PPP1R10: variants seen among roughly 807,000 people sequenced by gnomAD.
PPP1R10 encodes the protein serine/threonine-protein phosphatase 1 regulatory subunit 10.
Under a neutral mutation model 99.0 loss-of-function variants are expected in PPP1R10, and 15 were observed. The ratio of observed to expected loss-of-function variants is 0.15; its 90% CI spans 0.10 to 0.23. The LOEUF (loss-of-function observed/expected upper bound fraction) is 0.23, where lower values mean the gene tolerates loss of function less well. Among genes scored for constraint, PPP1R10 ranks in the 10% least tolerant of loss-of-function variants. The pLI, the probability that PPP1R10 is intolerant of heterozygous loss-of-function variation, is 1.00. For synonymous variants in PPP1R10, 430 were observed against 449.5 expected (o/e 0.96, Z 0.55); for missense variants, 947 against 1,259.4 (o/e 0.75, Z 3.75).
chr6:30,605,511 A>G (rs565713939), intron 10 of PPP1R10, among the ~76,000 whole-genome samples: 2 of 152,242 alleles, frequency 1.3e-5, no homozygotes, highest in African/African-American at 4.8e-5. Context: ...AATGGAGGGA[A>G]ATAATAAAAG....
Position 30,609,838 on chromosome 6 carries a change from C to G in PPP1R10, c.107G>C (p.Ser36Thr). ...AATACAAAAAGGGGTAAAGACTCAC[C>G]TGAAGATCTTGGAAATCCCATCCAC... ...KSVDGISKIF[S>T]LMKEARKMVS... The change falls in exon 3 of 20, where the codon AGT (serine) becomes ACT (threonine). Residue 36 changes from serine to threonine, a missense_variant and splice_region_variant. Around this residue, in one of 10 missense-constraint regions of PPP1R10, gnomAD observed 82 missense variants for 117.3 expected, o/e 0.70. Transcript: ENST00000376511. This position sits in a 1 kb window ranked among gnomAD's most constrained non-coding sequence, Gnocchi z 4.5. 1.9e-6 allele frequency: 3 copies of G among 1,611,662 alleles called. No individual in the cohort carries two copies. Among genetic ancestry groups the G allele is most frequent in the South Asian group, 1.1e-5 (1 of 91,012 alleles).
Position 30,605,973 on chromosome 6 carries a change from G to C in PPP1R10, c.803C>G (p.Thr268Arg). 6.2e-7 allele frequency: 1 copy of C among 1,614,028 alleles called. No homozygotes were observed. The highest frequency in any genetic ancestry group is 8.5e-7 in the Non-Finnish European group (1 of 1,179,990). ...PAEKKYKPLN[T>R]TPNATKEIKV... is the part of the protein sequence containing the mutation. ...GATCTCTTTGGTGGCATTAGGTGTT[G>C]TGTTGAGTGGCTTGTATTTCTTCTC... is the stretch of plus-strand genomic sequence containing the variant. Residue 268 changes from threonine to arginine, a missense_variant, in exon 10 of 20, where the codon ACA becomes AGA. Physicochemically the swap from Thr to Arg is moderately conservative, Grantham distance 71. This residue lies in a region of PPP1R10 where 39 missense variants were observed against 34.4 expected (regional missense o/e 1.14). Transcript: ENST00000376511.
chr6:30,612,839 T>C (rs1804693142), intron 2 of PPP1R10, among the ~76,000 whole-genome samples: 1 of 152,122 alleles, frequency 6.6e-6, no homozygotes. Context: ...GCAAACTGAG[T>C]TGATGAAGGC....
At chr6:30,607,282 G>A (rs1457584405) in intron 6 of PPP1R10, among the ~76,000 whole-genome samples, 2 of 152,136 alleles carry the variant, frequency 1.3e-5, no homozygotes, top group Non-Finnish European at 2.9e-5. Flanking sequence ...AAAAAGCTAC[G>A]TTAGTTGCTT....
rs767319723 is a variant in PPP1R10 at position 30,609,179 on chromosome 6, T to A, written c.108-16A>T. ...CTTCATCAAACTGCAGAAGATGAGT[T>A]AGGGTTAGAAATGAAGCAGCCAGTA... is the stretch of plus-strand genomic sequence containing the variant. On this transcript the variant is annotated splice_polypyrimidine_tract_variant and intron_variant, in intron 3 of 19. Transcript: ENST00000376511. The surrounding 1 kb of genome is among the most constrained non-coding windows in gnomAD (Gnocchi z 4.5). 6.2e-7 allele frequency: 1 copy of A among 1,612,434 alleles called. No homozygotes were observed.
chr6:30,612,802 T>C (rs563400286), intron 2 of PPP1R10, among the ~76,000 whole-genome samples: 3 of 152,230 alleles, frequency 2.0e-5, no homozygotes, highest in South Asian at 4.2e-4. Context: ...AGTCCAACAT[T>C]TCGGGCACAG....
rs2127446465 is a variant in PPP1R10 at position 30,609,744 on chromosome 6, T to C, written c.107+94A>G. On this transcript the variant is annotated intron_variant, in intron 3 of 19. Transcript: ENST00000376511. The surrounding 1 kb of genome is among the most constrained non-coding windows in gnomAD (Gnocchi z 4.5). Reference sequence around the variant, plus strand: ...TGCACTGACTATCTTTCCCTTTCCTTTCCAGGATCATTCCAGTGTGCCTCA... The same window carrying C: ...TGCACTGACTATCTTTCCCTTTCCTCTCCAGGATCATTCCAGTGTGCCTCA... 8.9e-7 allele frequency: 1 copy of C among 1,125,836 alleles called. No individual in the cohort carries two copies. The highest frequency in any genetic ancestry group is 1.3e-5 in the South Asian group (1 of 79,504). 69.7% of individuals were successfully genotyped at this position (1,125,836 alleles called of 1,614,324 possible).
intron 4 of PPP1R10, 50 bp from the exon 5 acceptor site, chr6:30,608,964 C>T (rs1561843798): frequency 1.2e-6 from 2 of 1,612,982 alleles, no homozygotes; most frequent in Non-Finnish European, 8.5e-7. Flanking sequence ...TAGGTTTTGA[C>T]AGTACCACAT....
Position 30,606,005 on chromosome 6 carries a change from G to A in PPP1R10, c.771C>T (p.Pro257=), listed in dbSNP as rs201120674. The change falls in exon 10 of 20, where the codon CCC becomes CCT. Residue 257 remains proline (P), a synonymous_variant. Coordinates refer to ENST00000376511, the MANE Select transcript of PPP1R10 (RefSeq NM_002714.4). The surrounding 1 kb of genome is among the most constrained non-coding windows in gnomAD (Gnocchi z 6.3). ...SNVAAPGDAT[P]PAEKKYKPLN... is the part of the protein sequence containing the mutation. ...GTGGCTTGTATTTCTTCTCTGCAGG[G>A]GGAGTGGCATCTCCTGGAGCAGCTA... 16 of 1,614,054 alleles carry A rather than the reference G, an allele frequency of 9.9e-6. No homozygotes were observed. In the East Asian group the frequency reaches 3.6e-4, roughly 36 times the overall value.
chr6:30,606,450 G>T lies in PPP1R10; in HGVS notation c.634+18C>A, dbSNP rs752046204. Reference sequence around the variant, plus strand: ...GCACATGCCCATGAACCCTCCAGAGGCCAGCCGCCAGTCTTACCAGTGGAA... The same window carrying T: ...GCACATGCCCATGAACCCTCCAGAGTCCAGCCGCCAGTCTTACCAGTGGAA... On this transcript the variant is annotated intron_variant, in intron 8 of 19. Transcript: ENST00000376511. The surrounding 1 kb of genome is among the most constrained non-coding windows in gnomAD (Gnocchi z 6.3). 1.2e-6 allele frequency: 2 copies of T among 1,611,950 alleles called. No homozygotes were observed. The highest frequency in any genetic ancestry group is 2.2e-5 in the South Asian group (2 of 90,982).
chr6:30,603,924 C>T (rs1222785163), intron 14 of PPP1R10, 81 bp from the exon 15 acceptor site: 3 of 1,522,462 alleles, frequency 2.0e-6, no homozygotes, highest in African/African-American at 1.4e-5. Context: ...TTTCTAACCT[C>T]CACCCCGTAA....
At chr6:30,613,156 G>A (rs1045006732) in intron 2 of PPP1R10, among the ~76,000 whole-genome samples, 2 of 152,198 alleles carry the variant, frequency 1.3e-5, no homozygotes, top group African/African-American at 4.8e-5. Context: ...ATAAACGTCT[G>A]TGACACCAAC....
chr6:30,605,775 G>T (rs1000949312), intron 10 of PPP1R10, 148 bp downstream of exon 10: 1 of 745,402 alleles, frequency 1.3e-6, no homozygotes, highest in Non-Finnish European at 2.2e-6. Flanking sequence ...CAGGAGAATG[G>T]CGTGAACCCG....
In PPP1R10 at chr6:30,609,394, C is replaced by T. The variant is rs569100644; in HGVS notation, c.108-231G>A. ...CTGGGGAGGAGAGCATCGCTGCCTC[C>T]GTAACACACAGGATGAATTCCATTC... is the stretch of plus-strand genomic sequence containing the variant. On this transcript the variant is annotated intron_variant, in intron 3 of 19. Coordinates refer to ENST00000376511, the MANE Select transcript of PPP1R10 (RefSeq NM_002714.4). This position sits in a 1 kb window ranked among gnomAD's most constrained non-coding sequence, Gnocchi z 4.5. Among the ~76,000 whole-genome samples the T allele has an allele frequency of 6.0e-4, 92 of 152,222 alleles. No individual in the cohort carries two copies. Among genetic ancestry groups the T allele is most frequent in the Non-Finnish European group, 1.1e-3 (75 of 68,000 alleles).
In PPP1R10 at chr6:30,601,439, C is replaced by T; in HGVS notation, c.*110G>A. On this transcript the variant is annotated 3_prime_UTR_variant, in exon 20 of 20. Transcript: ENST00000376511. Reference sequence around the variant, plus strand: ...CAAGTGGGAACTGAGGGGGCCGGCTCCTCATCAGCTGGGGAAAAGGGAAAA... The same window carrying T: ...CAAGTGGGAACTGAGGGGGCCGGCTTCTCATCAGCTGGGGAAAAGGGAAAA... 2.3e-6 allele frequency: 2 copies of T among 885,504 alleles called. No individual in the cohort carries two copies. Among genetic ancestry groups the T allele is most frequent in the Non-Finnish European group, 3.5e-6 (2 of 567,480 alleles). The allele number at this position is 885,504 out of a possible 1,614,324, so 54.9% of individuals were successfully genotyped here.
intron 2 of PPP1R10, among the ~76,000 whole-genome samples, chr6:30,611,102 A>G (rs1804507977): frequency 6.6e-6 from 1 of 152,196 alleles, no homozygotes; most frequent in African/African-American, 2.4e-5. Flanking sequence ...TGAGCGCAGG[A>G]GTTTGAAACC....
At position 30,606,425 on chromosome 6, in the gene PPP1R10, G is replaced by T; in HGVS notation, c.634+43C>A. ...GATTCCCCCATAAGGCTCTGGGTGT[G>T]CACATGCCCATGAACCCTCCAGAGG... On this transcript the variant is annotated intron_variant, in intron 8 of 19. Transcript: ENST00000376511. The surrounding 1 kb of genome is among the most constrained non-coding windows in gnomAD (Gnocchi z 6.3). 6.2e-7 allele frequency: 1 copy of T among 1,607,134 alleles called. No homozygotes were observed. Among genetic ancestry groups the T allele is most frequent in the Non-Finnish European group, 8.5e-7 (1 of 1,176,356 alleles).
rs772885476 is a variant in PPP1R10 at position 30,608,803 on chromosome 6, C to T, written c.306G>A (p.Pro102=). 26 of 1,613,898 alleles carry T rather than the reference C, an allele frequency of 1.6e-5. No individual in the cohort carries two copies. Among genetic ancestry groups the T allele is most frequent in the Non-Finnish European group, 2.1e-5 (25 of 1,179,958 alleles). ...CCTGCTTGAGATGGTCTACAGTGAG[C>T]GGTAGATGCTGCAGGGTCAGTAGAA... ...QQILLTLQHL[P]LTVDHLKQNN... Residue 102 remains proline (P), a synonymous_variant, in exon 5 of 20, where the codon CCG becomes CCA. Transcript: ENST00000376511.
Position 30,606,606 on chromosome 6 carries a change from T to C in PPP1R10, c.496A>G (p.Ser166Gly). The stretch of plus-strand genomic sequence containing the variant: ...GGTCGCTCAGGAAGGGTAGTTCGAC[T>C]TTTTCCTTCATCTTTACGTTTCTTC... Reference protein sequence around the residue: ...DKKKRKDEGKSRTTLPERPLT... With the variant: ...DKKKRKDEGKGRTTLPERPLT... Residue 166 changes from serine (S) to glycine (G), a missense_variant, in exon 8 of 20, where the codon AGT (serine) becomes GGT (glycine). Transcript: ENST00000376511. The surrounding 1 kb of genome is among the most constrained non-coding windows in gnomAD (Gnocchi z 6.3). The C allele has an allele frequency of 6.2e-7, 1 of 1,614,216 alleles. No individual in the cohort carries two copies.
Sources: gnomAD v4.1 joint callset for allele counts (sites outside exome capture counted in the v4.1 genomes callset) on GRCh38, gnomAD v4.1.1 for gene constraint, gnomAD v4.1.1 regional missense constraint, Gnocchi (gnomAD v3.1) non-coding constraint, MANE v1.5 for transcripts, NCBI Gene and HGNC (gene_info 2026-07-23, HGNC 2026-07-21) for gene names.